Variants in KPNA3 observed in about 807,000 individuals in gnomAD.
KPNA3 encodes the protein importin subunit alpha-4.
KPNA3 carries 13 observed loss-of-function variants against 73.8 expected under a neutral mutation model. The ratio of observed to expected loss-of-function variants is 0.18; its 90% confidence interval spans 0.11 to 0.28. The LOEUF (loss-of-function observed/expected upper bound fraction) is 0.28. Ranked by LOEUF, KPNA3 falls within the 10% of genes least tolerant of loss-of-function variation. The pLI is 1.00. For missense variants in KPNA3, 360 were observed against 618.1 expected, an observed-to-expected ratio of 0.58 and a Z score of 4.43; for synonymous variants, 186 against 206.9, an observed-to-expected ratio of 0.90 and a Z score of 0.87.
At chr13:49,792,360 C>T (rs1317973063) in intron 1 of KPNA3, 78 bp downstream of exon 1, 50 of 997,902 alleles carry the variant, frequency 5.0e-5, no homozygotes, top group African/African-American at 2.1e-4. Context: ...AGAACCAGCC[C>T]GGCGCCGGCC....
intron 6 of KPNA3, among the ~76,000 whole-genome samples, chr13:49,730,393 C>A (rs963871954): frequency 6.6e-5 from 10 of 151,276 alleles, no homozygotes; most frequent in African/African-American, 1.9e-4. Context: ...ATTAGCCACA[C>A]CTGTAATCCC....
chr13:49,717,295 G>A (rs1399287838), intron 10 of KPNA3, among the ~76,000 whole-genome samples: 1 of 151,892 alleles, frequency 6.6e-6, no homozygotes, highest in Non-Finnish European at 1.5e-5. Flanking sequence ...GCAGGGAGTG[G>A]TGGCATGCAC....
chr13:49,780,715 A>G (rs1408543447), intron 1 of KPNA3, among the ~76,000 whole-genome samples: 1 of 128,610 alleles, frequency 7.8e-6, no homozygotes, highest in African/African-American at 2.8e-5. Context: ...ATTGAAAAAT[A>G]TTTCTTTTTT....
At position 49,710,998 on chromosome 13, in the gene KPNA3, G is replaced by C. The variant is rs1954255099; in HGVS notation, c.796C>G (p.Leu266Val). The C allele has an allele frequency of 2.5e-6, 4 of 1,612,626 alleles. No homozygotes were observed. The highest frequency in any genetic ancestry group is 1.1e-5 in the South Asian group (1 of 90,760). Residue 266 changes from leucine (L) to valine (V), a missense_variant, in exon 11 of 17, where the codon CTG (leucine) becomes GTG (valine). Coordinates refer to ENST00000261667, the MANE Select transcript of KPNA3 (RefSeq NM_002267.4). ...INILVDTVWA[L>V]SYLTDGGNEQ... Reference sequence around the variant, plus strand: ...TTACCTCCATCTGTCAAGTATGACAGAGCCCAAACAGTGTCTACAAGAATC... The same window carrying C: ...TTACCTCCATCTGTCAAGTATGACACAGCCCAAACAGTGTCTACAAGAATC...
intron 1 of KPNA3, among the ~76,000 whole-genome samples, chr13:49,751,811 G>A (rs1199040699): frequency 6.6e-6 from 1 of 152,186 alleles, no homozygotes; most frequent in Non-Finnish European, 1.5e-5. Flanking sequence ...AGGAGGCTGA[G>A]GCAGGAAGAT....
rs564113661 is a variant in KPNA3 at position 49,750,390 on chromosome 13, C to T, written c.70-3397G>A. On this transcript the variant is annotated intron_variant, in intron 1 of 16. Transcript: ENST00000261667. ...TTAGCAGACTAGGTGCAGTGGCTCA[C>T]GCCTGTAATCCCAACACTTTCGGAG... Among the ~76,000 whole-genome samples, 17 of 152,280 alleles carry T rather than the reference C, an allele frequency of 1.1e-4. No individual in the cohort carries two copies. In the East Asian group the frequency reaches 2.9e-3, roughly 26 times the overall value.
rs994235155 is a variant in KPNA3, at chr13:49,746,205, G to A, written c.114+744C>T. ...GGGCCAGGCATGGCAGCTCACGCCC[G>A]TAATCCCAACAGAAGGACGATTGTT... On this transcript the variant is annotated intron_variant, in intron 2 of 16. Transcript: ENST00000261667. 5.9e-5 allele frequency among the ~76,000 whole-genome samples: 9 copies of A among 152,120 alleles called. No homozygotes were observed. The East Asian group carries it at 9.6e-4, about 16-fold the overall frequency.
At chr13:49,720,544 G>A (rs1027473625) in intron 9 of KPNA3, among the ~76,000 whole-genome samples, 4 of 152,040 alleles carry the variant, frequency 2.6e-5, no homozygotes, top group African/African-American at 9.7e-5. Flanking sequence ...ACTGCTTGAT[G>A]CCAGGAGTTC....
chr13:49,705,999 C>T, intron 14 of KPNA3, 99 bp downstream of exon 14: 1 of 1,175,240 alleles, frequency 8.5e-7, no homozygotes, highest in South Asian at 1.5e-5. Flanking sequence ...TTATCTTTTC[C>T]CCAAAAAGAA....
At chr13:49,734,769 T>C (rs973070406) in intron 2 of KPNA3, among the ~76,000 whole-genome samples, 1 of 152,166 alleles carries the variant, frequency 6.6e-6, no homozygotes, top group African/African-American at 2.4e-5. Context: ...CATGTGTCTA[T>C]TAGTTAAAAT....
At chr13:49,785,025 A>G (rs977060656) in intron 1 of KPNA3, among the ~76,000 whole-genome samples, 3 of 152,198 alleles carry the variant, frequency 2.0e-5, no homozygotes, top group Non-Finnish European at 4.4e-5. Context: ...GGAGGCAGAG[A>G]AGGATATTCC....
intron 7 of KPNA3, among the ~76,000 whole-genome samples, chr13:49,723,891 A>G (rs1044205547): frequency 1.3e-5 from 2 of 151,104 alleles, no homozygotes; most frequent in African/African-American, 4.9e-5. Context: ...AAAAGAAAAG[A>G]AAAAAGAAAA....
intron 2 of KPNA3, among the ~76,000 whole-genome samples, chr13:49,734,308 C>G (rs1031654531): frequency 6.6e-6 from 1 of 152,202 alleles, no homozygotes; most frequent in African/African-American, 2.4e-5. Context: ...AAAACGTTCA[C>G]AACTATGAGG....
At chr13:49,719,138 C>G (rs1226724373) in intron 10 of KPNA3, among the ~76,000 whole-genome samples, 1 of 152,098 alleles carries the variant, frequency 6.6e-6, no homozygotes, top group African/African-American at 2.4e-5. Context: ...TAGATAGTAT[C>G]AAACTTGCCA....
intron 1 of KPNA3, among the ~76,000 whole-genome samples, chr13:49,752,384 A>AT (rs1954670254): frequency 2.0e-5 from 3 of 152,340 alleles, no homozygotes; most frequent in Admixed American, 2.0e-4. Context: ...AGTTCAGGAA[A>AT]ATCTATCAAA....
At chr13:49,781,485 AAC>A (rs59354035) in intron 1 of KPNA3, among the ~76,000 whole-genome samples, 18,111 of 152,192 alleles carry the variant, frequency 0.12, 2,165 homozygotes, top group East Asian at 0.58. Context: ...TATTCTTATA[AAC>A]ACAGTGCCTT....
chr13:49,753,878 C>T (rs1017255162), intron 1 of KPNA3, among the ~76,000 whole-genome samples: 11 of 152,212 alleles, frequency 7.2e-5, no homozygotes, highest in Non-Finnish European at 1.3e-4. Context: ...TTCCACAAAA[C>T]TGGCCCCTGG....
chr13:49,721,819 TCAAACAAA>T, intron 9 of KPNA3, 128 bp downstream of exon 9: 1 of 557,626 alleles, frequency 1.8e-6, no homozygotes, highest in Admixed American at 3.8e-5. Context: ...GACTCCGTTA[TCAAACAAA>T]CAAACAAACA....
intron 15 of KPNA3, among the ~76,000 whole-genome samples, chr13:49,703,183 C>CTTTT (rs35282756): frequency 4.9e-4 from 53 of 109,192 alleles, no homozygotes; most frequent in South Asian, 9.5e-4. Flanking sequence ...TTCTTTCTTT[C>CTTTT]TTTTTTTTTT....
Sources: gnomAD v4.1 joint callset for allele counts (sites outside exome capture counted in the v4.1 genomes callset) on GRCh38, gnomAD v4.1.1 for gene constraint, MANE v1.5 for transcripts, NCBI Gene and HGNC (gene_info 2026-07-23, HGNC 2026-07-21) for gene names.